Variants in KIF2A observed in about 807,000 individuals in gnomAD.
KIF2A encodes the protein kinesin-like protein KIF2A.
A neutral mutation model predicts 100.2 loss-of-function variants in KIF2A; 22 were observed. The observed-to-expected ratio is 0.22, with a 90% confidence interval of 0.16 to 0.31. The LOEUF is 0.31. Ranked by LOEUF, KIF2A falls within the 10% of genes least tolerant of loss-of-function variation. The pLI is 1.00. For missense variants in KIF2A, 495 were observed against 898.7 expected (o/e 0.55, Z 5.74); for synonymous variants, 268 against 285.9 (o/e 0.94, Z 0.63).
chr5:62,389,134 C>T lies in KIF2A; in HGVS notation c.*3565C>T. 2 of 1,202,474 alleles carry T rather than the reference C, an allele frequency of 1.7e-6. No individual in the cohort carries two copies. Among genetic ancestry groups the T allele is most frequent in the Non-Finnish European group, 2.4e-6 (2 of 837,202 alleles). The allele number at this position is 1,202,474 out of a possible 1,614,324, so 74.5% of individuals were successfully genotyped here. Reference sequence around the variant, plus strand: ...GGTATATAGTTCTATACCATTAATACTAAAACATGAATACAGCATGCTTAC... The same window carrying T: ...GGTATATAGTTCTATACCATTAATATTAAAACATGAATACAGCATGCTTAC... On this transcript the variant is annotated 3_prime_UTR_variant, in exon 21 of 21. Transcript: ENST00000407818.
At chr5:62,375,873 A>G (rs1297561409) in intron 18 of KIF2A, among the ~76,000 whole-genome samples, 1 of 152,194 alleles carries the variant, frequency 6.6e-6, no homozygotes, top group African/African-American at 2.4e-5. Context: ...TTATCCCCAT[A>G]CAATGTCAGT....
intron 1 of KIF2A, among the ~76,000 whole-genome samples, chr5:62,315,287 C>G (rs1745762476): frequency 1.3e-5 from 2 of 149,210 alleles, no homozygotes; most frequent in Admixed American, 1.3e-4. Context: ...CCACCACAGC[C>G]AATATCTGGT....
At chr5:62,360,858 A>G (rs2111952280) in intron 9 of KIF2A, among the ~76,000 whole-genome samples, 1 of 152,306 alleles carries the variant, frequency 6.6e-6, no homozygotes, top group East Asian at 1.9e-4. Flanking sequence ...CTATTTATTT[A>G]GATGGTCTAT....
Position 62,322,799 on chromosome 5 carries a change from TA to T in KIF2A, c.64+16265del, listed in dbSNP as rs551953861. Among the ~76,000 whole-genome samples the T allele has an allele frequency of 1.1e-4, 16 of 151,432 alleles. No homozygotes were observed. The East Asian group carries it at 3.1e-3, about 29-fold the overall frequency. ...GTAAACACAGCACAAAACCAGGCAT[TA>T]AGAGATGCATGGGAAATAGCATTTA... is the stretch of plus-strand genomic sequence containing the variant. On this transcript the variant is annotated intron_variant, in intron 1 of 20. Transcript: ENST00000407818.
chr5:62,333,144 TGC>T (rs1374368557), intron 1 of KIF2A, among the ~76,000 whole-genome samples: 1 of 152,248 alleles, frequency 6.6e-6, no homozygotes, highest in African/African-American at 2.4e-5. Flanking sequence ...TTATTTAAAA[TGC>T]GAATTGAGTT....
At chr5:62,381,496 T>C (rs998467927) in intron 20 of KIF2A, among the ~76,000 whole-genome samples, 14 of 152,248 alleles carry the variant, frequency 9.2e-5, no homozygotes, top group Non-Finnish European at 1.6e-4. Flanking sequence ...AAAATGTATT[T>C]TTAACAAATT....
rs1443755549 is a variant in KIF2A at position 62,385,610 on chromosome 5, C to G, written c.*41C>G. ...TAAAGGATACCCAGAACCCTCACTA[C>G]TGTAACATACAACGGTTCAGCTGTA... On this transcript the variant is annotated 3_prime_UTR_variant, in exon 21 of 21. Transcript: ENST00000407818. 5.1e-6 allele frequency: 7 copies of G among 1,366,224 alleles called. No homozygotes were observed. Among genetic ancestry groups the G allele is most frequent in the African/African-American group, 1.4e-5 (1 of 69,370 alleles). 84.6% of individuals were successfully genotyped at this position (1,366,224 alleles called of 1,614,324 possible).
At chr5:62,376,564 C>T (rs557941922) in intron 18 of KIF2A, among the ~76,000 whole-genome samples, 283 of 151,796 alleles carry the variant, frequency 1.9e-3, no homozygotes, top group Non-Finnish European at 3.4e-3. Flanking sequence ...GGATTACAGG[C>T]GCACACCACC....
intron 17 of KIF2A, among the ~76,000 whole-genome samples, chr5:62,373,157 T>G (rs1489576495): frequency 6.6e-6 from 1 of 152,074 alleles, no homozygotes; most frequent in Non-Finnish European, 1.5e-5. Flanking sequence ...TGATAAAACT[T>G]AAAATCTTAT....
chr5:62,317,752 T>G (rs920806651), intron 1 of KIF2A, among the ~76,000 whole-genome samples: 1 of 152,332 alleles, frequency 6.6e-6, no homozygotes, highest in Non-Finnish European at 1.5e-5. Context: ...TTCATCTGAT[T>G]TCTTTGAAGA....
chr5:62,307,820 G>C (rs1402374905), intron 1 of KIF2A, among the ~76,000 whole-genome samples: 1 of 152,136 alleles, frequency 6.6e-6, no homozygotes, highest in Non-Finnish European at 1.5e-5. Context: ...GTTTCACCAT[G>C]TTGACAAGGC....
rs1239048729 is a variant in KIF2A at position 62,388,261 on chromosome 5, T to G, written c.*2692T>G. 1.3e-5 allele frequency: 2 copies of G among 152,198 alleles called. No individual in the cohort carries two copies. Among genetic ancestry groups the G allele is most frequent in the African/African-American group, 4.8e-5 (2 of 41,460 alleles). 9.4% of individuals were successfully genotyped at this position (152,198 alleles called of 1,614,324 possible). On this transcript the variant is annotated 3_prime_UTR_variant, in exon 21 of 21. Transcript: ENST00000407818. Reference sequence around the variant, plus strand: ...GTTTCAATTACAAAACCCTCTGAAATTTTGCTAAGCCTATAGTTATCTCCC... The same window carrying G: ...GTTTCAATTACAAAACCCTCTGAAAGTTTGCTAAGCCTATAGTTATCTCCC...
intron 3 of KIF2A, among the ~76,000 whole-genome samples, chr5:62,349,013 T>A (rs1747714640): frequency 6.6e-6 from 1 of 152,220 alleles, no homozygotes. Context: ...TTTCATAAAC[T>A]ATGCAGTTGA....
At chr5:62,351,406 A>G (rs12187566) in intron 4 of KIF2A, among the ~76,000 whole-genome samples, 29,030 of 152,050 alleles carry the variant, frequency 0.19, 2,983 homozygotes, top group East Asian at 0.39. Flanking sequence ...TTCACTAGCT[A>G]AAGAAGTTGA....
rs1745259531 is a variant in KIF2A, at chr5:62,306,273, C to T, written c.-200C>T. ...CCCGACTACCCGGCGTGCGCGTCCT[C>T]CTGCCGGCCTGCAGGCCCGGGGCCT... is the stretch of plus-strand genomic sequence containing the variant. On this transcript the variant is annotated 5_prime_UTR_variant, in exon 1 of 21. Transcript: ENST00000407818. The T allele has an allele frequency of 3.7e-6, 2 of 542,448 alleles. No homozygotes were observed. Among genetic ancestry groups the T allele is most frequent in the Admixed American group, 3.7e-5 (1 of 26,860 alleles). The allele number at this position is 542,448 out of a possible 1,614,324, so 33.6% of individuals were successfully genotyped here.
chr5:62,320,685 A>G (rs956744071), intron 1 of KIF2A, among the ~76,000 whole-genome samples: 2 of 152,228 alleles, frequency 1.3e-5, no homozygotes, highest in African/African-American at 4.8e-5. Context: ...TAGCCAATAT[A>G]GAAAAATAAA....
chr5:62,378,255 G>A (rs1411015723), intron 19 of KIF2A, among the ~76,000 whole-genome samples: 1 of 152,104 alleles, frequency 6.6e-6, no homozygotes, highest in Non-Finnish European at 1.5e-5. Context: ...AACTCCTTAG[G>A]CATTCATTCC....
rs767348768 is a variant in KIF2A, at chr5:62,386,623, C to T, written c.*1054C>T. Among the ~76,000 whole-genome samples the T allele has an allele frequency of 2.6e-5, 4 of 152,198 alleles. No individual in the cohort carries two copies. The highest frequency in any genetic ancestry group is 4.8e-5 in the African/African-American group (2 of 41,444). ...GAAGTTAGTTTAAGCCAAGTGTAGA[C>T]AGTACATTACTCCCTTGAAAAAGAA... is the stretch of plus-strand genomic sequence containing the variant. On this transcript the variant is annotated 3_prime_UTR_variant, in exon 21 of 21. Coordinates refer to ENST00000407818, the MANE Select transcript of KIF2A (RefSeq NM_001098511.3).
chr5:62,321,995 A>G (rs886236160), intron 1 of KIF2A, among the ~76,000 whole-genome samples: 1 of 152,052 alleles, frequency 6.6e-6, no homozygotes, highest in Non-Finnish European at 1.5e-5. Flanking sequence ...ATCATAACTC[A>G]TTGCAGCCTT....
Sources: allele counts gnomAD v4.1 joint callset (sites outside exome capture counted in the v4.1 genomes callset), GRCh38; gene constraint gnomAD v4.1.1; transcripts MANE v1.5; gene names NCBI Gene and HGNC (gene_info 2026-07-23, HGNC 2026-07-21).